Variants in ATP4A observed in about 807,000 individuals in gnomAD.
ATP4A encodes the protein potassium-transporting ATPase alpha chain 1.
ATP4A carries 73 observed loss-of-function variants against 112.1 expected under a neutral mutation model. That is an observed-to-expected ratio of 0.65 (90% CI 0.54 to 0.79). The LOEUF is 0.79. Among genes scored for constraint, ATP4A ranks in the 30% least tolerant of loss-of-function variants. The pLI is 0.00. For synonymous variants in ATP4A, 588 were observed against 588.9 expected (o/e 1.00, Z 0.02); for missense variants, 1,081 against 1,425.9 (o/e 0.76, Z 3.90).
rs2071629292 is a variant in ATP4A at position 35,555,941 on chromosome 19, G to A, written c.1870-129C>T. ...GCGTGACCACCTCCTACGTGCCTGG[G>A]ATATAGCAGAGACAAAAGAGACAAA... On this transcript the variant is annotated intron_variant, in intron 12 of 21. Transcript: ENST00000262623. This position sits in a 1 kb window ranked among gnomAD's most constrained non-coding sequence, Gnocchi z 6.6. 7.6e-7 allele frequency: 1 copy of A among 1,308,354 alleles called. No homozygotes were observed. The highest frequency in any genetic ancestry group is 1.0e-6 in the Non-Finnish European group (1 of 978,264). The allele number at this position is 1,308,354 out of a possible 1,614,324, so 81.0% of individuals were successfully genotyped here.
At chr19:35,563,137 T>A in intron 3 of ATP4A, 72 bp downstream of exon 3, 1 of 1,519,714 alleles carries the variant, frequency 6.6e-7, no homozygotes, top group Non-Finnish European at 9.0e-7. Flanking sequence ...TCTCTCCATC[T>A]CCCTCCTTCC....
In ATP4A at chr19:35,562,475, G is replaced by A. The variant is rs1254605325; in HGVS notation, c.380C>T (p.Ala127Val). Residue 127 changes from alanine (A) to valine (V), a missense_variant, in exon 4 of 22, where the codon GCC becomes GTC. Coordinates refer to ENST00000262623, the MANE Select transcript of ATP4A (RefSeq NM_000704.3). ...GAGGTCCCCCTCACTAGCCTGGATG[G>A]CAAAGGCGATGAGGCAGATGGCGGC... The part of the protein sequence containing the change: ...VAAAICLIAF[A>V]IQASEGDLTT... 3 of 1,614,030 alleles carry A rather than the reference G, an allele frequency of 1.9e-6. No homozygotes were observed. Among genetic ancestry groups the A allele is most frequent in the East Asian group, 2.2e-5 (1 of 44,898 alleles).
In ATP4A at chr19:35,560,045, C is replaced by G; in HGVS notation, c.816G>C (p.Thr272=). The stretch of plus-strand genomic sequence containing the variant: ...TGCGCCCAATGATGGTGCGGTCGCC[C>G]GTGTTCACCACCAGGCCCTGCACGG... The part of the protein sequence containing the change: ...EGTVQGLVVN[T]GDRTIIGRIA... Residue 272 remains threonine (T), a synonymous_variant, in exon 7 of 22, where the codon ACG becomes ACC. Transcript: ENST00000262623. The surrounding 1 kb of genome is among the most constrained non-coding windows in gnomAD (Gnocchi z 5.1). The G allele has an allele frequency of 1.9e-6, 3 of 1,614,050 alleles. No individual in the cohort carries two copies. Among genetic ancestry groups the G allele is most frequent in the Non-Finnish European group, 2.5e-6 (3 of 1,179,936 alleles).
At position 35,550,974 on chromosome 19, in the gene ATP4A, G is replaced by A; in HGVS notation, c.2987+36C>T. 6.2e-7 allele frequency: 1 copy of A among 1,613,054 alleles called. No individual in the cohort carries two copies. ...GGCCATCCCAGGCCTGTGCCCTACAGCCCCCTCCCTGTCCTTGCCCCTCAC... is the reference window on the plus strand; with the variant it reads ...GGCCATCCCAGGCCTGTGCCCTACAACCCCCTCCCTGTCCTTGCCCCTCAC... On this transcript the variant is annotated intron_variant, in intron 20 of 21. Transcript: ENST00000262623. The surrounding 1 kb of genome is among the most constrained non-coding windows in gnomAD (Gnocchi z 4.1).
rs1568314029 is a variant in ATP4A, at chr19:35,555,619, G to A, written c.2007-29C>T. The stretch of plus-strand genomic sequence containing the variant: ...GGGAGGAGATGGGAGGACCTCGCTG[G>A]GACCTCGGTCTGTGCCAGATGTGGG... On this transcript the variant is annotated intron_variant, in intron 13 of 21. Transcript: ENST00000262623. This position sits in a 1 kb window ranked among gnomAD's most constrained non-coding sequence, Gnocchi z 6.6. 3 of 1,577,720 alleles carry A rather than the reference G, an allele frequency of 1.9e-6. No homozygotes were observed. The highest frequency in any genetic ancestry group is 2.6e-6 in the Non-Finnish European group (3 of 1,155,148).
chr19:35,560,903 C>G lies in ATP4A; in HGVS notation c.450G>C (p.Val150=). 1 of 1,613,938 alleles carries G rather than the reference C, an allele frequency of 6.2e-7. No individual in the cohort carries two copies. Among genetic ancestry groups the G allele is most frequent in the Non-Finnish European group, 8.5e-7 (1 of 1,179,942 alleles). ...AGCCAAAGCAGCCGGTGACGACAACCACAGCAATGAGAGCGATTGCCAGGT... is the reference window on the plus strand; with the variant it reads ...AGCCAAAGCAGCCGGTGACGACAACGACAGCAATGAGAGCGATTGCCAGGT... ...NLYLAIALIA[V]VVVTGCFGYY... The change falls in exon 5 of 22, where the codon GTG becomes GTC. Residue 150 remains valine (V), a synonymous_variant. Coordinates refer to ENST00000262623, the MANE Select transcript of ATP4A (RefSeq NM_000704.3). This position sits in a 1 kb window ranked among gnomAD's most constrained non-coding sequence, Gnocchi z 5.1.
At chr19:35,561,695 A>G (rs1020419479) in intron 4 of ATP4A, among the ~76,000 whole-genome samples, 6 of 150,554 alleles carry the variant, frequency 4.0e-5, no homozygotes, top group African/African-American at 1.5e-4. Context: ...CTGTGCTTCT[A>G]TGTCTCATGT....
rs1392157268 is a variant in ATP4A at position 35,550,038 on chromosome 19, C to T, written c.*577G>A. On this transcript the variant is annotated 3_prime_UTR_variant, in exon 22 of 22. Transcript: ENST00000262623. The surrounding 1 kb of genome is among the most constrained non-coding windows in gnomAD (Gnocchi z 4.1). ...TGACCCTGGGCAAAGGAATAGGAAT[C>T]ATTTCCCCAAGGCAGGTTTATTGAG... 1 of 156,880 alleles carries T rather than the reference C, an allele frequency of 6.4e-6. No individual in the cohort carries two copies. The highest frequency in any genetic ancestry group is 2.4e-5 in the African/African-American group (1 of 41,444). The allele number at this position is 156,880 out of a possible 1,614,324, so 9.7% of individuals were successfully genotyped here. A position where few individuals can be genotyped will look rare whatever the true frequency, so the allele number is the denominator to read the frequency against.
Position 35,558,792 on chromosome 19 carries a change from G to T in ATP4A, c.1256-106C>A. The T allele has an allele frequency of 7.5e-7, 1 of 1,326,698 alleles. No individual in the cohort carries two copies. Among genetic ancestry groups the T allele is most frequent in the Non-Finnish European group, 1.0e-6 (1 of 984,536 alleles). 82.2% of individuals were successfully genotyped at this position (1,326,698 alleles called of 1,614,324 possible). A position where few individuals can be genotyped will look rare whatever the true frequency, so the allele number is the denominator to read the frequency against. On this transcript the variant is annotated intron_variant, in intron 8 of 21. Coordinates refer to ENST00000262623, the MANE Select transcript of ATP4A (RefSeq NM_000704.3). The surrounding 1 kb of genome is among the most constrained non-coding windows in gnomAD (Gnocchi z 5.1). Reference sequence around the variant, plus strand: ...TCGCGGGCCCCCTCCCCAGACCTGGGTGGAATTGGGTTCCACCCAACCCTG... The same window carrying T: ...TCGCGGGCCCCCTCCCCAGACCTGGTTGGAATTGGGTTCCACCCAACCCTG...
rs781182700 is a variant in ATP4A at position 35,557,859 on chromosome 19, G to C, written c.1501-12C>G. ...GTATGGATGGACAGCTGTGGGCGGG[G>C]GGGAGAGGCGAGGCTGTGGACGGGG... is the stretch of plus-strand genomic sequence containing the variant. On this transcript the variant is annotated splice_polypyrimidine_tract_variant and intron_variant, in intron 10 of 21. Coordinates refer to ENST00000262623, the MANE Select transcript of ATP4A (RefSeq NM_000704.3). The surrounding 1 kb of genome is among the most constrained non-coding windows in gnomAD (Gnocchi z 4.4). The C allele has an allele frequency of 1.4e-6, 2 of 1,473,162 alleles. No homozygotes were observed. The highest frequency in any genetic ancestry group is 1.4e-5 in the South Asian group (1 of 72,534). The allele number at this position is 1,473,162 out of a possible 1,614,324, so 91.3% of individuals were successfully genotyped here.
At chr19:35,556,472 T>C (rs11084823) in intron 12 of ATP4A, among the ~76,000 whole-genome samples, 30,408 of 152,132 alleles carry the variant, frequency 0.2, 3,090 homozygotes, top group East Asian at 0.27. Flanking sequence ...TGGCTAAGAT[T>C]GGGTAAGTAA....
Position 35,551,147 on chromosome 19 carries a change from T to C in ATP4A, c.2886-36A>G, listed in dbSNP as rs774631292. 8 of 1,564,660 alleles carry C rather than the reference T, an allele frequency of 5.1e-6. No homozygotes were observed. In the Admixed American group the frequency reaches 7.5e-5, roughly 15 times the overall value. On this transcript the variant is annotated intron_variant, in intron 19 of 21. Transcript: ENST00000262623. This position sits in a 1 kb window ranked among gnomAD's most constrained non-coding sequence, Gnocchi z 5.2. ...GCAGAATGGGACAGGCCATTAGGAA[T>C]TGGGGACGTGATGGAAATCAGGATA...
rs772239007 is a variant in ATP4A at position 35,562,657 on chromosome 19, G to T, written c.217-19C>A. The T allele has an allele frequency of 4.5e-6, 7 of 1,570,262 alleles. No individual in the cohort carries two copies. The highest frequency in any genetic ancestry group is 6.0e-6 in the Non-Finnish European group (7 of 1,159,464). On this transcript the variant is annotated intron_variant, in intron 3 of 21. Coordinates refer to ENST00000262623, the MANE Select transcript of ATP4A (RefSeq NM_000704.3). ...AGAGGCCCTGGGACAGAGGGGCAGG[G>T]CGAGGCGGTCCTGGGGGCTTTCCTC...
chr19:35,558,473 C>G lies in ATP4A; in HGVS notation c.1389G>C (p.Ser463=). Residue 463 remains serine (S), a synonymous_variant, in exon 10 of 22, where the codon TCG becomes TCC. Transcript: ENST00000262623. The surrounding 1 kb of genome is among the most constrained non-coding windows in gnomAD (Gnocchi z 5.1). ...VPKRIVIGDA[S]ETALLKFSEL... ...CCGAGAACTTGAGCAGCGCCGTCTC[C>G]GATGCGTCTCCAATCACGATGCGCT... 6.3e-7 allele frequency: 1 copy of G among 1,598,898 alleles called. No homozygotes were observed. Among genetic ancestry groups the G allele is most frequent in the Non-Finnish European group, 8.5e-7 (1 of 1,173,450 alleles).
Position 35,558,796 on chromosome 19 carries a change from A to G in ATP4A, c.1256-110T>C, listed in dbSNP as rs1199380231. ...GGGCCCCCTCCCCAGACCTGGGTGG[A>G]ATTGGGTTCCACCCAACCCTGAGGG... On this transcript the variant is annotated intron_variant, in intron 8 of 21. Coordinates refer to ENST00000262623, the MANE Select transcript of ATP4A (RefSeq NM_000704.3). This position sits in a 1 kb window ranked among gnomAD's most constrained non-coding sequence, Gnocchi z 5.1. The G allele has an allele frequency of 1.5e-6, 2 of 1,317,996 alleles. No individual in the cohort carries two copies. Among genetic ancestry groups the G allele is most frequent in the South Asian group, 2.9e-5 (2 of 69,176 alleles). The allele number at this position is 1,317,996 out of a possible 1,614,324, so 81.6% of individuals were successfully genotyped here. A position where few individuals can be genotyped will look rare whatever the true frequency, so the allele number is the denominator to read the frequency against.
rs2071654087 is a variant in ATP4A at position 35,559,452 on chromosome 19, C to A, written c.1057-261G>T. ...CGAGGTTCTGAAAATTCTCTTCACA[C>A]AATCAAAATGAGAAGAGGAACCTTC... On this transcript the variant is annotated intron_variant, in intron 7 of 21. Coordinates refer to ENST00000262623, the MANE Select transcript of ATP4A (RefSeq NM_000704.3). This position sits in a 1 kb window ranked among gnomAD's most constrained non-coding sequence, Gnocchi z 4.1. 6.6e-6 allele frequency among the ~76,000 whole-genome samples: 1 copy of A among 152,236 alleles called. No individual in the cohort carries two copies. Among genetic ancestry groups the A allele is most frequent in the South Asian group, 2.1e-4 (1 of 4,838 alleles).
intron 12 of ATP4A, 98 bp downstream of exon 12, chr19:35,556,815 A>T (rs1053078065): frequency 1.5e-5 from 22 of 1,448,320 alleles, no homozygotes; most frequent in Non-Finnish European, 1.9e-5. Context: ...ATTTTGGTTC[A>T]AGCCAGTTTC....
At position 35,555,696 on chromosome 19, in the gene ATP4A, G is replaced by A. The variant is rs61736770; in HGVS notation, c.1986C>T (p.Pro662=). 409 of 1,608,174 alleles carry A rather than the reference G, an allele frequency of 2.5e-4. No homozygotes were observed. The African/African-American group carries it at 4.8e-3, about 19-fold the overall frequency. The change falls in exon 13 of 22, where the codon CCC becomes CCT. Residue 662 remains proline (P), a synonymous_variant. Coordinates refer to ENST00000262623, the MANE Select transcript of ATP4A (RefSeq NM_000704.3). The surrounding 1 kb of genome is among the most constrained non-coding windows in gnomAD (Gnocchi z 6.6). ...VEDIAARLRV[P]VDQVNRKDAR... ...CTTACTTGCGATTAACCTGGTCTAC[G>A]GGCACACGGAGGCGGGCAGCGATGT...
Position 35,559,288 on chromosome 19 carries a change from G to GGGCT in ATP4A, c.1057-101_1057-98dup. On this transcript the variant is annotated intron_variant, in intron 7 of 21. Coordinates refer to ENST00000262623, the MANE Select transcript of ATP4A (RefSeq NM_000704.3). This position sits in a 1 kb window ranked among gnomAD's most constrained non-coding sequence, Gnocchi z 4.1. ...CGGGGAAGGCTTTACCCCAGCCGCG[G>GGGCT]GGCTGCGTGTGCAACGTGCTTCTGC... is the stretch of plus-strand genomic sequence containing the variant. 1.1e-5 allele frequency: 14 copies of GGGCT among 1,326,502 alleles called. No individual in the cohort carries two copies. The South Asian group carries it at 1.7e-4, about 16-fold the overall frequency. 82.2% of individuals were successfully genotyped at this position (1,326,502 alleles called of 1,614,324 possible).
Sources: gnomAD v4.1 joint callset for allele counts (sites outside exome capture counted in the v4.1 genomes callset) on GRCh38, gnomAD v4.1.1 for gene constraint, Gnocchi (gnomAD v3.1) non-coding constraint, MANE v1.5 for transcripts, NCBI Gene and HGNC (gene_info 2026-07-23, HGNC 2026-07-21) for gene names.